ABTB3: variants seen among roughly 807,000 people sequenced by gnomAD.
ABTB3 encodes ankyrin repeat- and BTB/POZ domain-containing protein 3.
the ABTB3 span, among the ~76,000 whole-genome samples, chr12:107,554,478 A>G: frequency 2.0e-5 from 3 of 152,170 alleles, no homozygotes; most frequent in African/African-American, 7.2e-5. Context: ...AAAATGGAAG[A>G]TAATCATAGA....
the ABTB3 span, chr12:107,319,738 AGGCTCG>A: frequency 2.6e-6 from 4 of 1,525,820 alleles, no homozygotes; most frequent in Non-Finnish European, 3.5e-6. Flanking sequence ...GCCCTGGGTC[AGGCTCG>A]GGCTCCGGCC....
At chr12:107,453,780 T>C in the ABTB3 span, among the ~76,000 whole-genome samples, 6 of 152,208 alleles carry the variant, frequency 3.9e-5, no homozygotes, top group African/African-American at 9.6e-5. Context: ...CAAGAAGGGA[T>C]GGTGGCCTGG....
chr12:107,511,400 T>G, the ABTB3 span, among the ~76,000 whole-genome samples: 1 of 152,210 alleles, frequency 6.6e-6, no homozygotes, highest in Admixed American at 6.5e-5. Context: ...GCTGGGTGCT[T>G]CTTTGATCTT....
the ABTB3 span, among the ~76,000 whole-genome samples, chr12:107,487,917 A>C: frequency 2.7e-3 from 413 of 151,636 alleles, 3 homozygotes; most frequent in African/African-American, 9.3e-3. Context: ...TGTTCAGAGG[A>C]AAGGGGGCCC....
At chr12:107,397,285 T>A in the ABTB3 span, among the ~76,000 whole-genome samples, 1 of 152,238 alleles carries the variant, frequency 6.6e-6, no homozygotes, top group African/African-American at 2.4e-5. Flanking sequence ...TTGGTATTAT[T>A]AGACTTTTCA....
the ABTB3 span, among the ~76,000 whole-genome samples, chr12:107,559,784 A>C: frequency 3.3e-5 from 5 of 152,144 alleles, no homozygotes; most frequent in African/African-American, 1.2e-4. Context: ...CATTTTCCCC[A>C]TCCCTCCATT....
chr12:107,608,244 A>G, the ABTB3 span, among the ~76,000 whole-genome samples: 2 of 152,170 alleles, frequency 1.3e-5, no homozygotes, highest in African/African-American at 2.4e-5. Flanking sequence ...ACACTTTGGC[A>G]GTGGTTTCTG....
the ABTB3 span, among the ~76,000 whole-genome samples, chr12:107,422,331 A>T: frequency 6.6e-6 from 1 of 152,184 alleles, no homozygotes; most frequent in South Asian, 2.1e-4. Flanking sequence ...GAGATGGGCC[A>T]GATCTGCAAG....
At chr12:107,487,566 CAA>C in the ABTB3 span, among the ~76,000 whole-genome samples, 10 of 152,166 alleles carry the variant, frequency 6.6e-5, no homozygotes, top group Non-Finnish European at 1.3e-4. Flanking sequence ...GCTGCCTTTT[CAA>C]AAGCTTCCAT....
chr12:107,469,942 C>T, the ABTB3 span, among the ~76,000 whole-genome samples: 22 of 59,346 alleles, frequency 3.7e-4, 1 homozygote, highest in African/African-American at 7.0e-4. Flanking sequence ...CTCTTTCTTT[C>T]TCTTTCTTTC....
the ABTB3 span, among the ~76,000 whole-genome samples, chr12:107,573,196 C>T: frequency 6.6e-6 from 1 of 152,170 alleles, no homozygotes; most frequent in Non-Finnish European, 1.5e-5. Context: ...GGGAAGTCAT[C>T]CTCCATGGGA....
At chr12:107,530,817 G>T in the ABTB3 span, among the ~76,000 whole-genome samples, 1 of 152,170 alleles carries the variant, frequency 6.6e-6, no homozygotes, top group Non-Finnish European at 1.5e-5. Flanking sequence ...TGTGCATGAA[G>T]ATTTTGCTAC....
chr12:107,563,313 ATCATTCAT>A, the ABTB3 span, among the ~76,000 whole-genome samples: 1 of 152,214 alleles, frequency 6.6e-6, no homozygotes, highest in Non-Finnish European at 1.5e-5. Flanking sequence ...TCATTTAACA[ATCATTCAT>A]TCACTCAAAG....
chr12:107,463,759 C>G, the ABTB3 span, among the ~76,000 whole-genome samples: 1 of 152,194 alleles, frequency 6.6e-6, no homozygotes, highest in Non-Finnish European at 1.5e-5. Context: ...CTCCTCAGCA[C>G]TCTCACAAGG....
the ABTB3 span, among the ~76,000 whole-genome samples, chr12:107,514,418 T>C: frequency 1.3e-5 from 2 of 152,218 alleles, no homozygotes; most frequent in Non-Finnish European, 2.9e-5. Context: ...TCCAGCCCAC[T>C]GTGGATCCTG....
At chr12:107,411,715 TCTC>T in the ABTB3 span, among the ~76,000 whole-genome samples, 56 of 152,290 alleles carry the variant, frequency 3.7e-4, no homozygotes, top group African/African-American at 1.3e-3. Context: ...CCAAGTGTCT[TCTC>T]CTCATCACTT....
chr12:107,344,216 T>C, the ABTB3 span, among the ~76,000 whole-genome samples: 2 of 152,174 alleles, frequency 1.3e-5, no homozygotes, highest in African/African-American at 4.8e-5. Flanking sequence ...TTAAGCAGCG[T>C]CACTGGATGT....
chr12:107,522,523 C>G, the ABTB3 span, among the ~76,000 whole-genome samples: 2 of 152,000 alleles, frequency 1.3e-5, no homozygotes, highest in Non-Finnish European at 2.9e-5. Context: ...CCATCAGCAA[C>G]TACTCCCCTC....
chr12:107,588,188 T>C, the ABTB3 span, among the ~76,000 whole-genome samples: 1 of 152,222 alleles, frequency 6.6e-6, no homozygotes, highest in Non-Finnish European at 1.5e-5. Context: ...CGTAATAGCC[T>C]CATCTTAACT....
Sources: allele counts gnomAD v4.1 joint callset (sites outside exome capture counted in the v4.1 genomes callset), GRCh38; gene constraint gnomAD v4.1.1; transcripts MANE v1.5; gene names NCBI Gene and HGNC (gene_info 2026-07-23, HGNC 2026-07-21).